FAT3: variants seen among roughly 807,000 people sequenced by gnomAD.
The protein encoded by FAT3 is protocadherin Fat 3.
In FAT3, 95 loss-of-function variants were observed where a neutral mutation model predicts 310.2. The ratio of observed to expected loss-of-function variants is 0.31; its 90% CI spans 0.26 to 0.36. FAT3 has a LOEUF of 0.36. FAT3 is among the 10% of genes least tolerant of loss of function. The probability of loss-of-function intolerance (pLI) is 1.00; values close to 1 mark genes in which losing one functional copy is unlikely to be tolerated. For missense variants in FAT3, 5,408 were observed against 5,715.6 expected, an observed-to-expected ratio of 0.95 and a Z score of 1.74; for synonymous variants, 2,314 against 2,192.9, an observed-to-expected ratio of 1.06 and a Z score of -1.54.
At chr11:92,517,861 T>C (rs985031415) in intron 2 of FAT3, among the ~76,000 whole-genome samples, 1 of 152,032 alleles carries the variant, frequency 6.6e-6, no homozygotes, top group Non-Finnish European at 1.5e-5. Context: ...CAAACAAACA[T>C]ATGAAAACAA....
intron 1 of FAT3, among the ~76,000 whole-genome samples, chr11:92,229,521 T>TTTTTTTTTTTTTTTTTTC (rs1864080194): frequency 7.0e-6 from 1 of 142,294 alleles, no homozygotes; most frequent in African/African-American, 2.6e-5. Context: ...TTTGTTTTTT[T>TTTTTTTTTTTTTTTTTTC]TTACATTGCC....
intron 3 of FAT3, among the ~76,000 whole-genome samples, chr11:92,620,958 C>G (rs1391976584): frequency 2.6e-5 from 4 of 152,168 alleles, no homozygotes; most frequent in African/African-American, 9.7e-5. Context: ...AAGAAGCAAG[C>G]TCTCTCATGT....
chr11:92,231,397 G>C (rs11019878), intron 1 of FAT3, among the ~76,000 whole-genome samples: 33 of 152,150 alleles, frequency 2.2e-4, no homozygotes, highest in Middle Eastern at 3.2e-3. Context: ...TACCTTGGAC[G>C]TTCTCTATGA....
At position 92,805,584 on chromosome 11, in the gene FAT3, G is replaced by T. The variant is rs564166091; in HGVS notation, c.9093+235G>T. Reference sequence around the variant, plus strand: ...CTGCCCCCAACAAAAAAAAAAAAAAGAAAGAAACCAATGTCTTAAATAATT... The same window carrying T: ...CTGCCCCCAACAAAAAAAAAAAAAATAAAGAAACCAATGTCTTAAATAATT... On this transcript the variant is annotated intron_variant, in intron 11 of 27. Coordinates refer to ENST00000525166, the MANE Select transcript of FAT3 (RefSeq NM_001367949.2). Among the ~76,000 whole-genome samples the T allele has an allele frequency of 3.3e-3, 480 of 146,454 alleles. 4 individuals are homozygous for T. Among genetic ancestry groups the T allele is most frequent in the Non-Finnish European group, 3.9e-3 (258 of 66,016 alleles).
chr11:92,303,115 A>G (rs1252215017), intron 1 of FAT3, among the ~76,000 whole-genome samples: 1 of 152,156 alleles, frequency 6.6e-6, no homozygotes, highest in Non-Finnish European at 1.5e-5. Flanking sequence ...GGTTGATACA[A>G]TTAATGAGGA....
chr11:92,877,935 G>T (rs572240410), intron 22 of FAT3, among the ~76,000 whole-genome samples: 2 of 152,126 alleles, frequency 1.3e-5, no homozygotes, highest in Non-Finnish European at 2.9e-5. Context: ...TTATAGCTTA[G>T]CCTAGCCTAC....
chr11:92,313,192 A>T (rs1455112853), intron 1 of FAT3, among the ~76,000 whole-genome samples: 2 of 152,222 alleles, frequency 1.3e-5, no homozygotes, highest in Non-Finnish European at 2.9e-5. Flanking sequence ...CTCCCAGAGA[A>T]ACACTAGGTA....
At chr11:92,787,176 C>A (rs980248254) in intron 7 of FAT3, among the ~76,000 whole-genome samples, 2 of 152,110 alleles carry the variant, frequency 1.3e-5, no homozygotes, top group Non-Finnish European at 2.9e-5. Context: ...GTTATGTTAA[C>A]TGTAACTGTA....
intron 1 of FAT3, among the ~76,000 whole-genome samples, chr11:92,287,145 G>T (rs950530324): frequency 6.6e-6 from 1 of 152,082 alleles, no homozygotes; most frequent in Admixed American, 6.6e-5. Flanking sequence ...GAGAACGGAG[G>T]TATTTATTTT....
At chr11:92,293,534 ATATATATATATATATATAAAT>A (rs1946761831) in intron 1 of FAT3, among the ~76,000 whole-genome samples, 1 of 77,398 alleles carries the variant, frequency 1.3e-5, no homozygotes, top group Admixed American at 1.5e-4. Context: ...ATATATATAT[ATATATATATATATATATAAAT>A]AAAATATATT....
At chr11:92,431,016 G>T (rs1383637138) in intron 2 of FAT3, among the ~76,000 whole-genome samples, 1 of 152,132 alleles carries the variant, frequency 6.6e-6, no homozygotes, top group African/African-American at 2.4e-5. Context: ...AATCCTTTGG[G>T]TATATACCCA....
intron 5 of FAT3, among the ~76,000 whole-genome samples, chr11:92,763,018 G>A (rs1946199383): frequency 6.6e-6 from 1 of 152,032 alleles, no homozygotes; most frequent in Non-Finnish European, 1.5e-5. Context: ...AATTAGCTGG[G>A]CATGGTGGTG....
At chr11:92,473,502 C>T (rs1418607729) in intron 2 of FAT3, among the ~76,000 whole-genome samples, 1 of 152,154 alleles carries the variant, frequency 6.6e-6, no homozygotes, top group African/African-American at 2.4e-5. Flanking sequence ...TGGAACATCA[C>T]CTCATTTAAC....
rs2136084941 is a variant in FAT3 at position 92,762,017 on chromosome 11, G to C, written c.3831G>C (p.Arg1277Ser). The C allele has an allele frequency of 6.2e-7, 1 of 1,613,920 alleles. No individual in the cohort carries two copies. The change falls in exon 5 of 28, where the codon AGG becomes AGC. Residue 1277 changes from arginine to serine, a missense_variant. Transcript: ENST00000525166. ...DRKKRGEPIY[R>S]AFAFDRDEGP... is the part of the protein sequence containing the mutation. ...AGAAGAGAGGAGAACCGATTTACAG[G>C]GCTTTTGCATTTGATAGAGATGAGG...
At chr11:92,615,572 T>C (rs1432554951) in intron 3 of FAT3, among the ~76,000 whole-genome samples, 1 of 152,156 alleles carries the variant, frequency 6.6e-6, no homozygotes, top group Non-Finnish European at 1.5e-5. Context: ...TGATGTTAGG[T>C]TGTCAATTTT....
At chr11:92,412,309 G>A (rs1211046208) in intron 2 of FAT3, among the ~76,000 whole-genome samples, 1 of 151,022 alleles carries the variant, frequency 6.6e-6, no homozygotes, top group African/African-American at 2.4e-5. Flanking sequence ...CACCATGTTG[G>A]CCAGGATGGT....
At chr11:92,833,007 G>GT (rs1948307606) in intron 14 of FAT3, among the ~76,000 whole-genome samples, 1 of 152,172 alleles carries the variant, frequency 6.6e-6, no homozygotes, top group African/African-American at 2.4e-5. Flanking sequence ...GAAATAAAAA[G>GT]GTGCTTCGAA....
At chr11:92,809,809 C>T in intron 12 of FAT3, 34 bp from the exon 13 acceptor site, 3 of 1,554,858 alleles carry the variant, frequency 1.9e-6, no homozygotes, top group South Asian at 1.1e-5. Context: ...TTTTTAAAAA[C>T]TCAGACCAAT....
rs566924356 is a variant in FAT3 at position 92,416,115 on chromosome 11, C to T, written c.3292+60711C>T. 1.4e-3 allele frequency among the ~76,000 whole-genome samples: 200 copies of T among 147,932 alleles called. 1 individual carries two copies. Among genetic ancestry groups the T allele is most frequent in the Admixed American group, 2.4e-3 (35 of 14,884 alleles). Reference sequence around the variant, plus strand: ...AAAAAGTCCGGCATGGTGGCTGGTGCCTGTAATCCCAGCACTTTGGAAGGC... The same window carrying T: ...AAAAAGTCCGGCATGGTGGCTGGTGTCTGTAATCCCAGCACTTTGGAAGGC... On this transcript the variant is annotated intron_variant, in intron 2 of 27. Transcript: ENST00000525166.
Sources: gnomAD v4.1 joint callset for allele counts (sites outside exome capture counted in the v4.1 genomes callset) on GRCh38, gnomAD v4.1.1 for gene constraint, MANE v1.5 for transcripts, NCBI Gene and HGNC (gene_info 2026-07-23, HGNC 2026-07-21) for gene names.